The following AGBL4 variants were observed in gnomAD, a reference collection of about 807,000 sequenced individuals.
AGBL4 encodes the protein AGBL carboxypeptidase 4, also known as cytosolic carboxypeptidase 6.
A neutral mutation model predicts 66.4 loss-of-function variants in AGBL4; 58 were observed. The observed-to-expected ratio is 0.87, with a 90% CI of 0.71 to 1.09. The LOEUF is 1.09. AGBL4 is among the 50% of genes least tolerant of loss of function. The pLI is 0.00. For missense variants in AGBL4, 579 were observed against 631.0 expected (o/e 0.92, Z 0.88); for synonymous variants, 234 against 222.9 (o/e 1.05, Z -0.44).
chr1:49,783,635 C>T (rs1177923960), intron 2 of AGBL4, among the ~76,000 whole-genome samples: 1 of 152,020 alleles, frequency 6.6e-6, no homozygotes, highest in African/African-American at 2.4e-5. Context: ...CAACATTGTA[C>T]TGAAGGTTCT....
intron 1 of AGBL4, among the ~76,000 whole-genome samples, chr1:49,907,906 G>A (rs570497257): frequency 6.6e-6 from 1 of 151,968 alleles, no homozygotes; most frequent in South Asian, 2.1e-4. Context: ...TGTGGGGGTG[G>A]GGGTATGTGA....
chr1:48,997,552 C>G (rs1661109882), intron 5 of AGBL4, among the ~76,000 whole-genome samples: 1 of 152,106 alleles, frequency 6.6e-6, no homozygotes, highest in Non-Finnish European at 1.5e-5. Flanking sequence ...AATTATCAAA[C>G]AAAATTGCAC....
chr1:49,629,724 G>A (rs1185141576), intron 3 of AGBL4, among the ~76,000 whole-genome samples: 3 of 152,076 alleles, frequency 2.0e-5, no homozygotes, highest in Admixed American at 6.6e-5. Flanking sequence ...CCAAATACAT[G>A]GTCATCAGTC....
chr1:49,546,152 A>T (rs1175003314), intron 3 of AGBL4, among the ~76,000 whole-genome samples: 1 of 152,134 alleles, frequency 6.6e-6, no homozygotes, highest in African/African-American at 2.4e-5. Context: ...TTTCTGAGTT[A>T]CTTCACTTAG....
At chr1:49,375,478 C>T (rs1644454257) in intron 3 of AGBL4, among the ~76,000 whole-genome samples, 1 of 152,018 alleles carries the variant, frequency 6.6e-6, no homozygotes, top group Non-Finnish European at 1.5e-5. Flanking sequence ...TTGATGCCTT[C>T]CTGTAGGACA....
chr1:48,563,165 C>A (rs1644422587), intron 11 of AGBL4, among the ~76,000 whole-genome samples: 1 of 152,230 alleles, frequency 6.6e-6, no homozygotes, highest in South Asian at 2.1e-4. Flanking sequence ...ATAATTTCGG[C>A]TTTCTGGAGG....
intron 2 of AGBL4, among the ~76,000 whole-genome samples, chr1:49,705,904 G>A (rs981898326): frequency 7.2e-5 from 11 of 152,074 alleles, no homozygotes; most frequent in Non-Finnish European, 1.6e-4. Context: ...CAACTTGATC[G>A]TGGCAGATAG....
intron 9 of AGBL4, among the ~76,000 whole-genome samples, chr1:48,626,191 T>A (rs376263094): frequency 6.6e-6 from 1 of 152,200 alleles, no homozygotes; most frequent in Non-Finnish European, 1.5e-5. Context: ...GGTGCTTTAA[T>A]CTATCCCTCA....
At chr1:48,787,066 C>A (rs1290163351) in intron 6 of AGBL4, among the ~76,000 whole-genome samples, 4 of 152,072 alleles carry the variant, frequency 2.6e-5, no homozygotes, top group Admixed American at 6.6e-5. Context: ...GGTGAGGAAA[C>A]AAGGCATAGG....
chr1:48,913,394 G>A (rs1049614785), intron 5 of AGBL4, among the ~76,000 whole-genome samples: 1 of 152,200 alleles, frequency 6.6e-6, no homozygotes, highest in African/African-American at 2.4e-5. Flanking sequence ...GAACTGGGAT[G>A]CACAGCAGGA....
intron 9 of AGBL4, among the ~76,000 whole-genome samples, chr1:48,599,381 T>C (rs898398455): frequency 9.8e-5 from 15 of 152,372 alleles, no homozygotes; most frequent in African/African-American, 3.4e-4. Flanking sequence ...CAGGTTGGTT[T>C]ACCCCAGCAT....
At chr1:49,095,094 A>G (rs1645070845) in intron 4 of AGBL4, among the ~76,000 whole-genome samples, 1 of 152,248 alleles carries the variant, frequency 6.6e-6, no homozygotes, top group Non-Finnish European at 1.5e-5. Context: ...ATTGCTTCAA[A>G]GAGAATAAAA....
intron 11 of AGBL4, among the ~76,000 whole-genome samples, chr1:48,573,678 C>T (rs1481166426): frequency 6.6e-6 from 1 of 152,148 alleles, no homozygotes; most frequent in African/African-American, 2.4e-5. Flanking sequence ...TGAAGAACCT[C>T]TTAGGAATCT....
At chr1:48,761,589 AAAAC>A (rs1644258151) in intron 6 of AGBL4, 2 of 1,056,474 alleles carry the variant, frequency 1.9e-6, no homozygotes, top group Non-Finnish European at 2.7e-6. Context: ...TTAAAAAGGA[AAAAC>A]AAACAGACTC....
rs201715072 is a variant in AGBL4 at position 49,516,064 on chromosome 1, GC to G, written c.282+181248del. Among the ~76,000 whole-genome samples, 238 of 146,306 alleles carry G rather than the reference GC, an allele frequency of 1.6e-3. 1 individual carries two copies. The highest frequency in any genetic ancestry group is 2.9e-3 in the Admixed American group (43 of 14,642). On this transcript the variant is annotated intron_variant, in intron 3 of 13. Coordinates refer to ENST00000371839, the MANE Select transcript of AGBL4 (RefSeq NM_032785.4). ...TTAAAAAAAAAAAAGAATCAAGACT[GC>G]CCCCCCCCACAAAAAAAAATGACTG... is the stretch of plus-strand genomic sequence containing the variant.
intron 6 of AGBL4, among the ~76,000 whole-genome samples, chr1:48,796,369 C>T (rs983796996): frequency 1.3e-5 from 2 of 152,140 alleles, no homozygotes; most frequent in Admixed American, 1.3e-4. Context: ...ATATCTAGCA[C>T]AGTACTTACA....
In AGBL4 at chr1:48,672,310, A is replaced by G. The variant is rs551036136; in HGVS notation, c.635-9069T>C. On this transcript the variant is annotated intron_variant, in intron 6 of 13. Coordinates refer to ENST00000371839, the MANE Select transcript of AGBL4 (RefSeq NM_032785.4). Reference sequence around the variant, plus strand: ...ATGAATCCTTCTTTTAGTAGATGCCATTGGTTGAGCATCAGCTAGCTGCTA... The same window carrying G: ...ATGAATCCTTCTTTTAGTAGATGCCGTTGGTTGAGCATCAGCTAGCTGCTA... 7.0e-4 allele frequency among the ~76,000 whole-genome samples: 107 copies of G among 152,316 alleles called. 1 individual carries two copies. Among genetic ancestry groups the G allele is most frequent in the African/African-American group, 2.4e-3 (101 of 41,572 alleles).
intron 3 of AGBL4, among the ~76,000 whole-genome samples, chr1:49,643,751 T>C (rs1211082794): frequency 6.6e-6 from 1 of 151,730 alleles, no homozygotes; most frequent in Non-Finnish European, 1.5e-5. Flanking sequence ...CTAAATATCT[T>C]TGTAAAAGAC....
chr1:49,631,861 A>G (rs963752315), intron 3 of AGBL4, among the ~76,000 whole-genome samples: 13 of 152,308 alleles, frequency 8.5e-5, no homozygotes, highest in Admixed American at 3.9e-4. Context: ...GGCCATCAGA[A>G]AAGTCCTTGC....
Sources: gnomAD v4.1 joint callset for allele counts (sites outside exome capture counted in the v4.1 genomes callset) on GRCh38, gnomAD v4.1.1 for gene constraint, MANE v1.5 for transcripts, NCBI Gene and HGNC (gene_info 2026-07-23, HGNC 2026-07-21) for gene names.